The following TPT1 variants were observed in gnomAD, a reference collection of about 807,000 sequenced individuals.
TPT1 encodes the protein tumor protein, translationally-controlled 1.
In TPT1, 5 loss-of-function variants were observed where a neutral mutation model predicts 22.8. That is an observed-to-expected ratio of 0.22 (90% CI 0.11 to 0.46). The LOEUF is 0.46. Ranked by LOEUF, TPT1 falls within the 20% of genes least tolerant of loss-of-function variation. The pLI is 0.99. For missense variants in TPT1, 130 were observed against 218.7 expected (o/e 0.59, Z 2.56); for synonymous variants, 89 against 73.6 (o/e 1.21, Z -1.07).
At position 45,339,321 on chromosome 13, in the gene TPT1, T is replaced by C. The variant is rs79903624; in HGVS notation, c.399+176A>G. On this transcript the variant is annotated intron_variant, in intron 4 of 5. Transcript: ENST00000530705. ...ATTCACAAAAAGAAAAACTGAGAAA[T>C]GTCATCTGGGAAGCAAATTTTCAAT... 1,894 of 495,746 alleles carry C rather than the reference T, an allele frequency of 3.8e-3. 41 individuals are homozygous for C. Among genetic ancestry groups the C allele is most frequent in the African/African-American group, 0.034 (1,714 of 50,412 alleles). 30.7% of individuals were successfully genotyped at this position (495,746 alleles called of 1,614,324 possible).
In TPT1 at chr13:45,336,611, A is replaced by G. The variant is rs1296584515; in HGVS notation, c.*775T>C. On this transcript the variant is annotated 3_prime_UTR_variant, in exon 6 of 6. Transcript: ENST00000530705. The stretch of plus-strand genomic sequence containing the variant: ...GACACAACTCTGCTCATGCACTGAC[A>G]ACAGCCACAGTCAATCCATAAATGA... 6.6e-6 allele frequency: 1 copy of G among 152,210 alleles called. No homozygotes were observed. Among genetic ancestry groups the G allele is most frequent in the Admixed American group, 6.5e-5 (1 of 15,276 alleles). The allele number at this position is 152,210 out of a possible 1,614,324, so 9.4% of individuals were successfully genotyped here.
chr13:45,340,219 C>T (rs767542440), intron 2 of TPT1, 35 bp from the exon 3 acceptor site: 41 of 1,589,204 alleles, frequency 2.6e-5, no homozygotes, highest in Non-Finnish European at 3.2e-5. Flanking sequence ...TTGCAAAAGA[C>T]ACAAACGCAT....
chr13:45,340,625 A>C, intron 2 of TPT1, 87 bp downstream of exon 2: 2 of 1,420,162 alleles, frequency 1.4e-6, no homozygotes, highest in East Asian at 2.5e-5. Flanking sequence ...GGCGGCGGGG[A>C]GGATTGCACA....
At position 45,339,580 on chromosome 13, in the gene TPT1, GT is replaced by G. The variant is rs1425281153; in HGVS notation, c.315del (p.Glu105AspfsTer7). 6.2e-7 allele frequency: 1 copy of G among 1,612,798 alleles called. No individual in the cohort carries two copies. The highest frequency in any genetic ancestry group is 8.5e-7 in the Non-Finnish European group (1 of 1,179,676). On this transcript the variant is annotated frameshift_variant, in exon 4 of 6. Transcript: ENST00000530705. LOFTEE classifies it high-confidence loss of function. ...YMKSIKGKLEEQRPERVKPFM... is the reference protein window; with the variant it reads ...YMKSIKGKLEXQRPERVKPFM... ...AAAGGTTTTACTCTTTCTGGTCTCT[GT>G]TCTTCAAGTTTCCCTTTGATTCTAA...
In TPT1 at chr13:45,333,866, T is replaced by C. The variant is rs547316232; in HGVS notation, c.*3520A>G. 1 of 152,148 alleles carries C rather than the reference T, an allele frequency of 6.6e-6. No homozygotes were observed. The highest frequency in any genetic ancestry group is 2.1e-4 in the South Asian group (1 of 4,836). 9.4% of individuals were successfully genotyped at this position (152,148 alleles called of 1,614,324 possible). On this transcript the variant is annotated 3_prime_UTR_variant, in exon 6 of 6. Coordinates refer to ENST00000530705, the MANE Select transcript of TPT1 (RefSeq NM_003295.4). ...GTAACCCTGTTGACTACTTCCTCCT[T>C]CCTAAAACTTTTTCCACCTGACCTC...
chr13:45,339,455 A>C (rs1338891131), intron 4 of TPT1, 42 bp downstream of exon 4: 2 of 1,555,430 alleles, frequency 1.3e-6, no homozygotes. Context: ...TCTTGCAGTT[A>C]AAATTGTACA....
At chr13:45,338,566 G>A (rs901883965) in intron 5 of TPT1, 94 bp downstream of exon 5, 9 of 1,536,220 alleles carry the variant, frequency 5.9e-6, no homozygotes, top group South Asian at 1.3e-5. Flanking sequence ...TCAGAACGCT[G>A]TAAAACTCAT....
chr13:45,340,319 T>C lies in TPT1; in HGVS notation c.103-135A>G, dbSNP rs1316418055. 3 of 1,196,196 alleles carry C rather than the reference T, an allele frequency of 2.5e-6. No individual in the cohort carries two copies. The East Asian group carries it at 7.6e-5, about 30-fold the overall frequency. 74.1% of individuals were successfully genotyped at this position (1,196,196 alleles called of 1,614,324 possible). A position where few individuals can be genotyped will look rare whatever the true frequency, so the allele number is the denominator to read the frequency against. On this transcript the variant is annotated intron_variant, in intron 2 of 5. Transcript: ENST00000530705. Reference sequence around the variant, plus strand: ...AAAAAGCACCATTTTGGGAATAAAGTTGTGACCCGTGGATTTCTCAAAACG... The same window carrying C: ...AAAAAGCACCATTTTGGGAATAAAGCTGTGACCCGTGGATTTCTCAAAACG...
At position 45,336,370 on chromosome 13, in the gene TPT1, G is replaced by C. The variant is rs1006963226; in HGVS notation, c.*1016C>G. ...ACAATTAGACAGACGGAAAGCGCAA[G>C]GACATGTTCTTCTTGCATCTGTGGT... On this transcript the variant is annotated 3_prime_UTR_variant, in exon 6 of 6. Coordinates refer to ENST00000530705, the MANE Select transcript of TPT1 (RefSeq NM_003295.4). 1 of 152,236 alleles carries C rather than the reference G, an allele frequency of 6.6e-6. No homozygotes were observed. Among genetic ancestry groups the C allele is most frequent in the African/African-American group, 2.4e-5 (1 of 41,456 alleles). The allele number at this position is 152,236 out of a possible 1,614,324, so 9.4% of individuals were successfully genotyped here. A position where few individuals can be genotyped will look rare whatever the true frequency, so the allele number is the denominator to read the frequency against.
Position 45,340,805 on chromosome 13 carries a change from G to T in TPT1, c.29-20C>A, listed in dbSNP as rs769945858. The T allele has an allele frequency of 8.6e-6, 13 of 1,511,902 alleles. No individual in the cohort carries two copies. Among genetic ancestry groups the T allele is most frequent in the Non-Finnish European group, 1.1e-5 (13 of 1,132,814 alleles). 93.7% of individuals were successfully genotyped at this position (1,511,902 alleles called of 1,614,324 possible). A position where few individuals can be genotyped will look rare whatever the true frequency, so the allele number is the denominator to read the frequency against. The stretch of plus-strand genomic sequence containing the variant: ...CATCGTCTGCCGGATACACAGAGCC[G>T]CCCATCACCGTGCGCCTGGCGCCGC... On this transcript the variant is annotated intron_variant, in intron 1 of 5. Coordinates refer to ENST00000530705, the MANE Select transcript of TPT1 (RefSeq NM_003295.4).
At chr13:45,339,374 G>C (rs941739875) in intron 4 of TPT1, 123 bp downstream of exon 4, 2 of 717,882 alleles carry the variant, frequency 2.8e-6, no homozygotes, top group Non-Finnish European at 4.3e-6. Flanking sequence ...AAACACCTGC[G>C]AGCTGGGAAA....
chr13:45,338,543 C>T, intron 5 of TPT1, 117 bp downstream of exon 5: 2 of 1,466,768 alleles, frequency 1.4e-6, no homozygotes, highest in Non-Finnish European at 1.8e-6. Context: ...AAAGAGAAAA[C>T]TAAAACCATG....
chr13:45,339,866 G>T, intron 3 of TPT1, 128 bp downstream of exon 3: 1 of 1,055,060 alleles, frequency 9.5e-7, no homozygotes, highest in Non-Finnish European at 1.4e-6. Flanking sequence ...TCTTTTCCGT[G>T]AACTCATTAA....
intron 3 of TPT1, 144 bp from the exon 4 acceptor site, chr13:45,339,746 C>G: frequency 1.3e-6 from 1 of 787,350 alleles, no homozygotes; most frequent in Non-Finnish European, 2.0e-6. Context: ...CAGAAGGTAT[C>G]TTTCAAGAAT....
chr13:45,339,612 C>T lies in TPT1; in HGVS notation c.294-10G>A. On this transcript the variant is annotated splice_polypyrimidine_tract_variant and intron_variant, in intron 3 of 5. Transcript: ENST00000530705. Reference sequence around the variant, plus strand: ...AAGTTTCCCTTTGATTCTAAAACAACATTTCATTAACAGGTTGAAGTATTG... The same window carrying T: ...AAGTTTCCCTTTGATTCTAAAACAATATTTCATTAACAGGTTGAAGTATTG... The T allele has an allele frequency of 6.2e-7, 1 of 1,601,514 alleles. No individual in the cohort carries two copies. The highest frequency in any genetic ancestry group is 8.5e-7 in the Non-Finnish European group (1 of 1,171,588).
chr13:45,337,347 T>G lies in TPT1; in HGVS notation c.*39A>C, dbSNP rs2234227. The G allele has an allele frequency of 5.1e-3, 8,232 of 1,607,034 alleles. 331 individuals are homozygous for G. The African/African-American group carries it at 0.092, about 18-fold the overall frequency. On this transcript the variant is annotated 3_prime_UTR_variant, in exon 6 of 6. Transcript: ENST00000530705. ...GTGGATGACAAGCAGAAGCCAGTTA[T>G]GATGACAGGTGATAGATCCAAAATA... is the stretch of plus-strand genomic sequence containing the variant.
Position 45,335,555 on chromosome 13 carries a change from T to G in TPT1, c.*1831A>C, listed in dbSNP as rs1335469155. The G allele has an allele frequency of 1.3e-5, 2 of 152,218 alleles. No homozygotes were observed. Among genetic ancestry groups the G allele is most frequent in the East Asian group, 1.9e-4 (1 of 5,192 alleles). The allele number at this position is 152,218 out of a possible 1,614,324, so 9.4% of individuals were successfully genotyped here. ...TTTGACCACTGCCTGAAAATTCCCT[T>G]CCTGCTATCATTTCAGAGGACAAAA... On this transcript the variant is annotated 3_prime_UTR_variant, in exon 6 of 6. Transcript: ENST00000530705.
Position 45,340,694 on chromosome 13 carries a change from C to T in TPT1, c.102+18G>A. 2 of 1,548,508 alleles carry T rather than the reference C, an allele frequency of 1.3e-6. No individual in the cohort carries two copies. The highest frequency in any genetic ancestry group is 1.7e-6 in the Non-Finnish European group (2 of 1,147,316). On this transcript the variant is annotated intron_variant, in intron 2 of 5. Transcript: ENST00000530705. The stretch of plus-strand genomic sequence containing the variant: ...CGCTCGGCCCGGACTCCCCCACGCG[C>T]AGGCCCGACCGACTCACCTTCCCCT...
chr13:45,338,721 C>A lies in TPT1; in HGVS notation c.455G>T (p.Arg152Leu). The A allele has an allele frequency of 1.2e-6, 2 of 1,609,930 alleles. No individual in the cohort carries two copies. The highest frequency in any genetic ancestry group is 1.7e-6 in the Non-Finnish European group (2 of 1,179,024). ...CATATATGGGGTCACACCATCCTCA[C>A]GGTAGTCCAATAGAGCAACCATGCC... ...PDGMVALLDY[R>L]EDGVTPYMIF... Residue 152 changes from arginine (R) to leucine (L), a missense_variant, in exon 5 of 6, where the codon CGT (arginine) becomes CTT (leucine). By Grantham distance (102) the Arg-to-Leu change is moderately radical (BLOSUM62 -2). Transcript: ENST00000530705.
Sources: allele counts gnomAD v4.1 joint callset, GRCh38; gene constraint gnomAD v4.1.1; transcripts MANE v1.5; gene names NCBI Gene and HGNC (gene_info 2026-07-23, HGNC 2026-07-21).